The following RFTN1 variants were observed in gnomAD, a reference collection of about 807,000 sequenced individuals.
The protein encoded by RFTN1 is raftlin, lipid raft linker 1.
A neutral mutation model predicts 46.5 loss-of-function variants in RFTN1; 26 were observed. That is an observed-to-expected ratio of 0.56 (90% CI 0.41 to 0.78). The LOEUF (loss-of-function observed/expected upper bound fraction) is 0.78, where lower values mean the gene tolerates loss of function less well. Ranked by LOEUF, RFTN1 falls within the 30% of genes least tolerant of loss-of-function variation. The pLI is 0.00. For synonymous variants in RFTN1, 261 were observed against 284.2 expected (o/e 0.92, Z 0.82); for missense variants, 693 against 718.7 (o/e 0.96, Z 0.41).
rs2075434736 is a variant in RFTN1 at position 16,433,412 on chromosome 3, G to A, written c.332+439C>T. On this transcript the variant is annotated intron_variant, in intron 3 of 9. Coordinates refer to ENST00000334133, the MANE Select transcript of RFTN1 (RefSeq NM_015150.2). The surrounding 1 kb of genome is among the most constrained non-coding windows in gnomAD (Gnocchi z 4.4). ...CAAGTGATTGACAGAATTTATGGTA[G>A]GCGCAAAATGTTAAAGTATTTCTAG... is the stretch of plus-strand genomic sequence containing the variant. Among the ~76,000 whole-genome samples, 1 of 152,098 alleles carries A rather than the reference G, an allele frequency of 6.6e-6. No individual in the cohort carries two copies. The highest frequency in any genetic ancestry group is 2.4e-5 in the African/African-American group (1 of 41,402).
intron 5 of RFTN1, among the ~76,000 whole-genome samples, chr3:16,372,805 G>A (rs773808363): frequency 9.2e-5 from 14 of 152,204 alleles, no homozygotes; most frequent in South Asian, 2.1e-4. Flanking sequence ...TCCTCCCCAG[G>A]GGGCCAGACT....
At chr3:16,358,111 T>G in intron 6 of RFTN1, 64 bp from the exon 7 acceptor site, 2 of 889,974 alleles carry the variant, frequency 2.2e-6, no homozygotes, top group Non-Finnish European at 1.9e-6. Flanking sequence ...AGAAGTCTTC[T>G]AAGCAGCAAA....
At chr3:16,403,330 C>T (rs2074653080) in intron 4 of RFTN1, among the ~76,000 whole-genome samples, 2 of 151,606 alleles carry the variant, frequency 1.3e-5, no homozygotes, top group Non-Finnish European at 2.9e-5. Context: ...ATAACATTGG[C>T]AAACTGCATA....
rs1219619288 is a variant in RFTN1 at position 16,466,087 on chromosome 3, C to G, written c.145+27638G>C. Among the ~76,000 whole-genome samples the G allele has an allele frequency of 6.6e-6, 1 of 152,142 alleles. No homozygotes were observed. The highest frequency in any genetic ancestry group is 1.5e-5 in the Non-Finnish European group (1 of 68,018). ...TCATGCTCTGAATTCTTCTGTGGCT[C>G]CCCAGTGCTCAATTTTGGGGTCCAA... On this transcript the variant is annotated intron_variant, in intron 2 of 9. Transcript: ENST00000334133. This position sits in a 1 kb window ranked among gnomAD's most constrained non-coding sequence, Gnocchi z 5.6.
intron 4 of RFTN1, among the ~76,000 whole-genome samples, chr3:16,391,799 T>C (rs949980266): frequency 1.3e-5 from 2 of 148,352 alleles, no homozygotes; most frequent in African/African-American, 2.4e-5. Context: ...GGATTGACCA[T>C]AGACTCACAG....
At chr3:16,508,087 T>C (rs1446739708) in intron 1 of RFTN1, among the ~76,000 whole-genome samples, 2 of 152,184 alleles carry the variant, frequency 1.3e-5, no homozygotes, top group Non-Finnish European at 2.9e-5. Context: ...GAGCCAAGCA[T>C]AGCTTATGTT....
intron 3 of RFTN1, among the ~76,000 whole-genome samples, chr3:16,432,424 G>A (rs544377484): frequency 6.6e-6 from 1 of 152,288 alleles, no homozygotes; most frequent in African/African-American, 2.4e-5. Context: ...AGGCTGAGGT[G>A]GGAGGATGGC....
intron 2 of RFTN1, among the ~76,000 whole-genome samples, chr3:16,478,488 A>G (rs1276528617): frequency 1.3e-5 from 2 of 152,244 alleles, no homozygotes; most frequent in Non-Finnish European, 2.9e-5. Flanking sequence ...ATATAGAAGC[A>G]AGACTTTTTA....
intron 7 of RFTN1, among the ~76,000 whole-genome samples, chr3:16,354,729 A>G (rs896880320): frequency 7.9e-5 from 12 of 152,164 alleles, no homozygotes; most frequent in Admixed American, 3.3e-4. Flanking sequence ...AATTTTCACA[A>G]TCTTTAAGCT....
chr3:16,401,888 C>A (rs1041100357), intron 4 of RFTN1, among the ~76,000 whole-genome samples: 3 of 152,246 alleles, frequency 2.0e-5, no homozygotes, highest in African/African-American at 7.2e-5. Context: ...AGAGCGGAGG[C>A]TCAGTGGAAA....
Position 16,483,689 on chromosome 3 carries a change from A to G in RFTN1, c.145+10036T>C, listed in dbSNP as rs1208559412. On this transcript the variant is annotated intron_variant, in intron 2 of 9. Transcript: ENST00000334133. The surrounding 1 kb of genome is among the most constrained non-coding windows in gnomAD (Gnocchi z 4.8). ...ATAATACATAGGTAGGTAAGTAAAC[A>G]TTTGTTGAATTTATTTTATACTCAA... Among the ~76,000 whole-genome samples, 3 of 152,120 alleles carry G rather than the reference A, an allele frequency of 2.0e-5. No homozygotes were observed. Among genetic ancestry groups the G allele is most frequent in the Non-Finnish European group, 4.4e-5 (3 of 68,016 alleles).
At chr3:16,453,888 T>C (rs943566008) in intron 2 of RFTN1, among the ~76,000 whole-genome samples, 1 of 152,224 alleles carries the variant, frequency 6.6e-6, no homozygotes, top group African/African-American at 2.4e-5. Flanking sequence ...GAGAGAGTGA[T>C]ATAATTAAGG....
In RFTN1 at chr3:16,452,034, T is replaced by C. The variant is rs984299642; in HGVS notation, c.146-17997A>G. On this transcript the variant is annotated intron_variant, in intron 2 of 9. Coordinates refer to ENST00000334133, the MANE Select transcript of RFTN1 (RefSeq NM_015150.2). This position sits in a 1 kb window ranked among gnomAD's most constrained non-coding sequence, Gnocchi z 6.3. ...AGCATGGATGCACAGGACAAATAGA[T>C]GATCCACGTCCTGGGCGGAATAGAG... 6.6e-6 allele frequency among the ~76,000 whole-genome samples: 1 copy of C among 152,196 alleles called. No individual in the cohort carries two copies. The highest frequency in any genetic ancestry group is 1.5e-5 in the Non-Finnish European group (1 of 68,030).
chr3:16,347,375 G>A (rs1326815138), intron 7 of RFTN1, among the ~76,000 whole-genome samples: 3 of 152,262 alleles, frequency 2.0e-5, no homozygotes, highest in Non-Finnish European at 4.4e-5. Flanking sequence ...CTGGAAGCCA[G>A]AAGTTCAAAA....
intron 2 of RFTN1, among the ~76,000 whole-genome samples, chr3:16,488,451 G>A (rs1222256895): frequency 2.6e-5 from 4 of 152,156 alleles, no homozygotes; most frequent in African/African-American, 9.7e-5. Context: ...TAAGCCATCA[G>A]GTGGACATGG....
In RFTN1 at chr3:16,504,021, C is replaced by T. The variant is rs2076758659; in HGVS notation, c.-9+9421G>A. Among the ~76,000 whole-genome samples the T allele has an allele frequency of 6.6e-6, 1 of 152,124 alleles. No homozygotes were observed. Among genetic ancestry groups the T allele is most frequent in the African/African-American group, 2.4e-5 (1 of 41,426 alleles). On this transcript the variant is annotated intron_variant, in intron 1 of 9. Coordinates refer to ENST00000334133, the MANE Select transcript of RFTN1 (RefSeq NM_015150.2). The surrounding 1 kb of genome is among the most constrained non-coding windows in gnomAD (Gnocchi z 4.4). The stretch of plus-strand genomic sequence containing the variant: ...TTCTATCCCTGCGTGTACTCTTTTA[C>T]AATCTATATATAACACCCAGAACAA...
Position 16,450,610 on chromosome 3 carries a change from C to G in RFTN1, c.146-16573G>C, listed in dbSNP as rs1451231247. On this transcript the variant is annotated intron_variant, in intron 2 of 9. Coordinates refer to ENST00000334133, the MANE Select transcript of RFTN1 (RefSeq NM_015150.2). This position sits in a 1 kb window ranked among gnomAD's most constrained non-coding sequence, Gnocchi z 4.6. Reference sequence around the variant, plus strand: ...CTAGGTCTTGGCCTGTCTCTACCTCCTGTCTCTAACTGCTCCTGAGGCAGG... The same window carrying G: ...CTAGGTCTTGGCCTGTCTCTACCTCGTGTCTCTAACTGCTCCTGAGGCAGG... Among the ~76,000 whole-genome samples the G allele has an allele frequency of 6.6e-6, 1 of 152,218 alleles. No individual in the cohort carries two copies. Among genetic ancestry groups the G allele is most frequent in the African/African-American group, 2.4e-5 (1 of 41,456 alleles).
chr3:16,415,588 A>G (rs12490991), intron 3 of RFTN1, among the ~76,000 whole-genome samples: 43,784 of 151,030 alleles, frequency 0.29, 6,930 homozygotes, highest in Non-Finnish European at 0.35. Flanking sequence ...TTAATGTAGC[A>G]AGAGAAGGGT....
rs1413708826 is a variant in RFTN1, at chr3:16,483,178, T to G, written c.145+10547A>C. 6.6e-6 allele frequency among the ~76,000 whole-genome samples: 1 copy of G among 152,210 alleles called. No individual in the cohort carries two copies. Among genetic ancestry groups the G allele is most frequent in the African/African-American group, 2.4e-5 (1 of 41,446 alleles). ...TTACAGAGAGGTAATAAATACCTCA[T>G]TAAGGAAAGGCAAAACAAACACTTC... On this transcript the variant is annotated intron_variant, in intron 2 of 9. Transcript: ENST00000334133. This position sits in a 1 kb window ranked among gnomAD's most constrained non-coding sequence, Gnocchi z 4.8.
Sources: allele counts gnomAD v4.1 joint callset (sites outside exome capture counted in the v4.1 genomes callset), GRCh38; gene constraint gnomAD v4.1.1; non-coding constraint Gnocchi (gnomAD v3.1); transcripts MANE v1.5; gene names NCBI Gene and HGNC (gene_info 2026-07-23, HGNC 2026-07-21).